The following GART variants were observed in gnomAD, a reference collection of about 807,000 sequenced individuals.
The protein encoded by GART is phosphoribosylglycinamide formyltransferase, phosphoribosylglycinamide synthetase, phosphoribosylaminoimidazole synthetase.
A neutral mutation model predicts 107.2 loss-of-function variants in GART; 43 were observed. The observed-to-expected ratio is 0.40, with a 90% CI of 0.31 to 0.52. GART has a LOEUF of 0.52. Ranked by LOEUF, GART falls within the 20% of genes least tolerant of loss-of-function variation. GART has a pLI of 0.52. For missense variants in GART, 1,107 were observed against 1,206.5 expected (o/e 0.92, Z 1.22); for synonymous variants, 434 against 427.0 (o/e 1.02, Z -0.20).
At chr21:33,542,793 G>T (rs1035903713), upstream of GART, 5 of 458,438 alleles carry the variant, frequency 1.1e-5, no homozygotes, top group Admixed American at 1.8e-4. Flanking sequence ...CAACTTATGC[G>T]GACACGGTCG....
At chr21:33,506,287 G>A (rs1270987931) in intron 18 of GART, among the ~76,000 whole-genome samples, 183 bp from the exon 19 acceptor site, 4 of 152,066 alleles carry the variant, frequency 2.6e-5, no homozygotes, top group South Asian at 2.1e-4. Context: ...GGGATTACAG[G>A]AGCCCACCAC....
chr21:33,520,749 T>A, intron 13 of GART, 157 bp downstream of exon 13: 1 of 714,392 alleles, frequency 1.4e-6, no homozygotes, highest in Non-Finnish European at 2.3e-6. Flanking sequence ...TAAATAATAA[T>A]TTGTTATTAG....
chr21:33,514,936 C>T (rs981701059), intron 16 of GART, among the ~76,000 whole-genome samples: 3 of 152,234 alleles, frequency 2.0e-5, no homozygotes, highest in Admixed American at 6.5e-5. Flanking sequence ...GCTTCACATA[C>T]GCTCTGACTC....
chr21:33,531,094 AG>A, intron 6 of GART: 1 of 406,958 alleles, frequency 2.5e-6, no homozygotes, highest in East Asian at 4.2e-5. Context: ...GTAATTTTTG[AG>A]GGAAGTCAGA....
Position 33,531,569 on chromosome 21 carries a change from ATTTTTTTT to A in GART, c.529-20_529-13del, listed in dbSNP as rs540416206. 42 of 1,412,444 alleles carry A rather than the reference ATTTTTTTT, an allele frequency of 3.0e-5. No homozygotes were observed. Among genetic ancestry groups the A allele is most frequent in the Non-Finnish European group, 3.9e-5 (41 of 1,058,622 alleles). 87.5% of individuals were successfully genotyped at this position (1,412,444 alleles called of 1,614,324 possible). On this transcript the variant is annotated splice_polypyrimidine_tract_variant and intron_variant, in intron 5 of 21. Coordinates refer to ENST00000381815, the MANE Select transcript of GART (RefSeq NM_000819.5). ...CCAAAGGCTTTCTCCTGATTGTAAG[ATTTTTTTT>A]TTTTTTTTTTTTAAAAAAAGAGGCT...
rs147537534 is a variant in GART, at chr21:33,531,975, C to T, written c.528+370G>A. Reference sequence around the variant, plus strand: ...AACCCACAACAACAAAGATCGATCACGAAAGACAAGGCATATTCATTCATT... The same window carrying T: ...AACCCACAACAACAAAGATCGATCATGAAAGACAAGGCATATTCATTCATT... On this transcript the variant is annotated intron_variant, in intron 5 of 21. Coordinates refer to ENST00000381815, the MANE Select transcript of GART (RefSeq NM_000819.5). 105 of 246,364 alleles carry T rather than the reference C, an allele frequency of 4.3e-4. 1 individual carries two copies. In the Middle Eastern group the frequency reaches 7.6e-3, roughly 18 times the overall value. 15.3% of individuals were successfully genotyped at this position (246,364 alleles called of 1,614,324 possible).
rs1356954074 is a variant in GART, at chr21:33,504,531, A to C, written c.2726-4T>G. On this transcript the variant is annotated splice_region_variant and splice_polypyrimidine_tract_variant and intron_variant, in intron 20 of 21. Coordinates refer to ENST00000381815, the MANE Select transcript of GART (RefSeq NM_000819.5). Reference sequence around the variant, plus strand: ...GGGTGGATATTGAGCATTTTTCCTAAAAATTAAAAAAAGCATAGTGGTCAG... The same window carrying C: ...GGGTGGATATTGAGCATTTTTCCTACAAATTAAAAAAAGCATAGTGGTCAG... 2 of 1,591,730 alleles carry C rather than the reference A, an allele frequency of 1.3e-6. No individual in the cohort carries two copies. Among genetic ancestry groups the C allele is most frequent in the African/African-American group, 2.7e-5 (2 of 74,242 alleles).
intron 18 of GART, among the ~76,000 whole-genome samples, chr21:33,507,866 GAAAT>G (rs1365635212): frequency 6.6e-6 from 1 of 151,788 alleles, no homozygotes; most frequent in Non-Finnish European, 1.5e-5. Context: ...AAAAAAAACT[GAAAT>G]AAAATAACTG....
intron 14 of GART, chr21:33,519,174 G>A (rs908313348): frequency 2.4e-5 from 5 of 209,602 alleles, no homozygotes; most frequent in African/African-American, 4.7e-5. Context: ...GGTGCTCAAG[G>A]GGTCCTGGGT....
intron 17 of GART, among the ~76,000 whole-genome samples, chr21:33,510,896 T>C (rs1293295062): frequency 6.6e-6 from 1 of 152,224 alleles, no homozygotes; most frequent in African/African-American, 2.4e-5. Context: ...TGCCAAGTTC[T>C]AGCACTTCTC....
chr21:33,505,493 C>A, intron 20 of GART, 68 bp downstream of exon 20: 1 of 1,397,420 alleles, frequency 7.2e-7, no homozygotes, highest in African/African-American at 1.5e-5. Context: ...GATTGTTTGG[C>A]AAGTTATCTG....
At chr21:33,520,821 T>A in intron 13 of GART, 85 bp downstream of exon 13, 1 of 1,038,026 alleles carries the variant, frequency 9.6e-7, no homozygotes, top group Non-Finnish European at 1.4e-6. Flanking sequence ...TTAGCTCATA[T>A]ATGTCAAGAG....
intron 8 of GART, 88 bp from the exon 9 acceptor site, chr21:33,528,692 A>G: frequency 9.5e-7 from 1 of 1,049,336 alleles, no homozygotes; most frequent in South Asian, 1.7e-5. Context: ...TACTACATAA[A>G]CTTCTAATAA....
At chr21:33,520,264 GTC>G in intron 14 of GART, 98 bp downstream of exon 14, 1 of 954,854 alleles carries the variant, frequency 1.0e-6, no homozygotes. Context: ...GTGATATACA[GTC>G]TCTCTTGCTA....
chr21:33,528,658 A>T (rs1303267354), intron 8 of GART, 54 bp from the exon 9 acceptor site: 5 of 1,209,400 alleles, frequency 4.1e-6, no homozygotes, highest in Non-Finnish European at 5.8e-6. Flanking sequence ...TATGATGAAG[A>T]CACTGTATTA....
intron 2 of GART, among the ~76,000 whole-genome samples, chr21:33,537,399 T>C (rs1451153644): frequency 2.0e-5 from 3 of 152,224 alleles, no homozygotes; most frequent in Non-Finnish European, 4.4e-5. Flanking sequence ...ATGTGCCACA[T>C]AGGGAACTAA....
rs778915265 is a variant in GART at position 33,532,476 on chromosome 21, G to A, written c.417-20C>T. ...TCTGCACTGTAAAGACAGAGTAATC[G>A]TCAACATCCAATAAACCATTACAAC... On this transcript the variant is annotated intron_variant, in intron 4 of 21. Transcript: ENST00000381815. 31 of 1,544,974 alleles carry A rather than the reference G, an allele frequency of 2.0e-5. No homozygotes were observed. The highest frequency in any genetic ancestry group is 2.6e-5 in the Non-Finnish European group (29 of 1,118,998).
At chr21:33,533,671 G>T (rs979094024) in intron 4 of GART, among the ~76,000 whole-genome samples, 2 of 152,074 alleles carry the variant, frequency 1.3e-5, no homozygotes, top group Non-Finnish European at 2.9e-5. Context: ...TTGGGAGGCA[G>T]AGAGAGGCGG....
rs1455025920 is a variant in GART at position 33,539,905 on chromosome 21, C to T, written c.-41-549G>A. ...AGGAGTCAAACGATGACTCTCAGCT[C>T]CTTATGTGATAATCTCCCTTCTCTG... On this transcript the variant is annotated intron_variant, in intron 1 of 21. Transcript: ENST00000381815. Among the ~76,000 whole-genome samples the T allele has an allele frequency of 2.0e-5, 3 of 152,066 alleles. No homozygotes were observed. In the East Asian group the frequency reaches 5.8e-4, roughly 29 times the overall value.
Sources: gnomAD v4.1 joint callset for allele counts (sites outside exome capture counted in the v4.1 genomes callset) on GRCh38, gnomAD v4.1.1 for gene constraint, MANE v1.5 for transcripts, NCBI Gene and HGNC (gene_info 2026-07-23, HGNC 2026-07-21) for gene names.